Variants in ASH1L observed in about 807,000 individuals in gnomAD.
ASH1L encodes the protein histone-lysine N-methyltransferase ASH1L.
ASH1L carries 23 observed loss-of-function variants against 269.0 expected under a neutral mutation model. That is an observed-to-expected ratio of 0.09 (90% confidence interval 0.06 to 0.12). The LOEUF (loss-of-function observed/expected upper bound fraction) is 0.12. Among genes scored for constraint, ASH1L ranks in the 10% least tolerant of loss-of-function variants. The pLI is 1.00. For missense variants in ASH1L, 2,912 were observed against 3,567.8 expected, an observed-to-expected ratio of 0.82 and a Z score of 4.68; for synonymous variants, 1,187 against 1,253.5, an observed-to-expected ratio of 0.95 and a Z score of 1.12.
intron 12 of ASH1L, among the ~76,000 whole-genome samples, chr1:155,369,103 ATGGG>A (rs1655694591): frequency 6.6e-6 from 1 of 152,160 alleles, no homozygotes; most frequent in African/African-American, 2.4e-5. Context: ...TGTTGGTTAT[ATGGG>A]TGTATACATT....
rs537781661 is a variant in ASH1L at position 155,533,462 on chromosome 1, A to C, written c.-99-11844T>G. Among the ~76,000 whole-genome samples the C allele has an allele frequency of 3.3e-5, 5 of 151,660 alleles. No individual in the cohort carries two copies. In the South Asian group the frequency reaches 8.4e-4, roughly 25 times the overall value. On this transcript the variant is annotated intron_variant, in intron 1 of 27. Transcript: ENST00000392403. ...GGCGTGGTGGCTCACACCTGTAATC[A>C]CAGCACTTTGGGAGGCCGAGGCGGG...
At chr1:155,418,291 A>G (rs557873557) in intron 5 of ASH1L, among the ~76,000 whole-genome samples, 1 of 152,274 alleles carries the variant, frequency 6.6e-6, no homozygotes, top group East Asian at 1.9e-4. Context: ...ATACAAAGAT[A>G]ATGAGGAGAG....
chr1:155,394,953 G>C (rs1336601237), intron 7 of ASH1L, among the ~76,000 whole-genome samples: 1 of 151,926 alleles, frequency 6.6e-6, no homozygotes, highest in African/African-American at 2.4e-5. Flanking sequence ...ATTTTTTTTA[G>C]AGACAGGATT....
At chr1:155,544,179 C>G (rs1222277783) in intron 1 of ASH1L, among the ~76,000 whole-genome samples, 1 of 151,762 alleles carries the variant, frequency 6.6e-6, no homozygotes, top group Non-Finnish European at 1.5e-5. Context: ...GCTGGGATTA[C>G]AGGTGTGAGC....
chr1:155,535,995 T>C (rs1206207339), intron 1 of ASH1L, among the ~76,000 whole-genome samples: 2 of 147,316 alleles, frequency 1.4e-5, no homozygotes, highest in Admixed American at 6.8e-5. Flanking sequence ...CAAAACTCCA[T>C]CTCAAGAAAA....
intron 6 of ASH1L, among the ~76,000 whole-genome samples, chr1:155,408,668 T>C (rs1659512185): frequency 1.3e-5 from 2 of 152,182 alleles, no homozygotes; most frequent in Non-Finnish European, 2.9e-5. Context: ...AAGGGGCTCC[T>C]GTGGTAAAAT....
At chr1:155,342,958 T>C in intron 24 of ASH1L, 1 of 175,490 alleles carries the variant, frequency 5.7e-6, no homozygotes, top group Non-Finnish European at 1.2e-5. Flanking sequence ...CAGGCAATCA[T>C]ATACAGGCAA....
Position 155,438,680 on chromosome 1 carries a change from A to G in ASH1L, c.5475T>C (p.His1825=), listed in dbSNP as rs773539607. 1 of 1,614,112 alleles carries G rather than the reference A, an allele frequency of 6.2e-7. No homozygotes were observed. The highest frequency in any genetic ancestry group is 1.7e-5 in the Admixed American group (1 of 60,006). Residue 1825 remains histidine, a synonymous_variant, in exon 5 of 28, where the codon CAT becomes CAC. Coordinates refer to ENST00000392403, the MANE Select transcript of ASH1L (RefSeq NM_018489.3). ...TTTTGGCTTTTAAGATTTTATTGAC[A>G]TGGTCTAGGTTTTTCTTTGTGGCCA... ...KILATKKNLD[H]VNKILKAKKL...
intron 19 of ASH1L, 137 bp from the exon 20 acceptor site, chr1:155,348,041 T>C (rs1311146364): frequency 4.0e-6 from 4 of 994,942 alleles, no homozygotes; most frequent in Non-Finnish European, 6.0e-6. Context: ...ATCAAATATA[T>C]GGCCAGATAG....
At chr1:155,540,462 C>A (rs2148887790) in intron 1 of ASH1L, among the ~76,000 whole-genome samples, 1 of 152,208 alleles carries the variant, frequency 6.6e-6, no homozygotes, top group African/African-American at 2.4e-5. Context: ...GAGCAAATAA[C>A]CACCACCAAA....
chr1:155,447,392 G>C (rs913830253), intron 4 of ASH1L, among the ~76,000 whole-genome samples: 5 of 151,944 alleles, frequency 3.3e-5, no homozygotes, highest in African/African-American at 1.2e-4. Context: ...TATGAGACTG[G>C]CTAATTTTTA....
chr1:155,419,161 G>A (rs1455721090), intron 5 of ASH1L, among the ~76,000 whole-genome samples: 2 of 152,150 alleles, frequency 1.3e-5, no homozygotes, highest in African/African-American at 4.8e-5. Flanking sequence ...AGCACTTTGT[G>A]TGGCTGACGC....
chr1:155,476,317 C>T (rs1455965752), intron 3 of ASH1L, among the ~76,000 whole-genome samples: 2 of 151,610 alleles, frequency 1.3e-5, no homozygotes, highest in Admixed American at 6.6e-5. Context: ...ACCCGGGAGG[C>T]GGAGGTTGCA....
intron 10 of ASH1L, among the ~76,000 whole-genome samples, chr1:155,378,027 A>AC (rs1375301799): frequency 0.02 from 3,040 of 152,054 alleles, 99 homozygotes; most frequent in African/African-American, 0.07. Context: ...CGTCTCAAAA[A>AC]AAAAACAAAA....
chr1:155,427,442 G>GGACT lies in ASH1L; in HGVS notation c.5828+10881_5828+10884dup, dbSNP rs1156252256. Among the ~76,000 whole-genome samples the GGACT allele has an allele frequency of 2.6e-5, 4 of 151,890 alleles. No homozygotes were observed. In the East Asian group the frequency reaches 7.7e-4, roughly 29 times the overall value. The stretch of plus-strand genomic sequence containing the variant: ...CCTGCCTCAGGCTCCTGAGTAGCTG[G>GGACT]GACTATAGGCGCCCACCACCTGGCT... On this transcript the variant is annotated intron_variant, in intron 5 of 27. Coordinates refer to ENST00000392403, the MANE Select transcript of ASH1L (RefSeq NM_018489.3).
chr1:155,394,764 A>G (rs763276024), intron 7 of ASH1L, among the ~76,000 whole-genome samples: 6 of 152,108 alleles, frequency 3.9e-5, no homozygotes, highest in Non-Finnish European at 8.8e-5. Context: ...ATATCACTCC[A>G]CTTTCAAGCA....
rs1250557058 is a variant in ASH1L, at chr1:155,378,189, A to G, written c.6332+92T>C. On this transcript the variant is annotated intron_variant, in intron 10 of 27. Coordinates refer to ENST00000392403, the MANE Select transcript of ASH1L (RefSeq NM_018489.3). The stretch of plus-strand genomic sequence containing the variant: ...ATCTTTGTGCAACTTCTTGAAAAAA[A>G]TCAAAGAGCCTATTTAACTGTACCC... 8.5e-6 allele frequency: 8 copies of G among 941,852 alleles called. No individual in the cohort carries two copies. In the East Asian group the frequency reaches 1.7e-4, roughly 20 times the overall value. The allele number at this position is 941,852 out of a possible 1,614,324, so 58.3% of individuals were successfully genotyped here.
At chr1:155,391,166 G>A (rs185248291) in intron 7 of ASH1L, among the ~76,000 whole-genome samples, 83 of 151,976 alleles carry the variant, frequency 5.5e-4, no homozygotes, top group Middle Eastern at 6.8e-3. Context: ...GGCTGGTCTC[G>A]AACTCCTGAC....
At chr1:155,540,771 C>A (rs901602437) in intron 1 of ASH1L, among the ~76,000 whole-genome samples, 5 of 148,974 alleles carry the variant, frequency 3.4e-5, no homozygotes, top group Non-Finnish European at 7.4e-5. Context: ...CCTGTCTTAA[C>A]AACAACAACA....
Sources: allele counts gnomAD v4.1 joint callset (sites outside exome capture counted in the v4.1 genomes callset), GRCh38; gene constraint gnomAD v4.1.1; transcripts MANE v1.5; gene names NCBI Gene and HGNC (gene_info 2026-07-23, HGNC 2026-07-21).